Variants in TIMM44 observed in about 807,000 individuals in gnomAD.
TIMM44 encodes translocase of inner mitochondrial membrane 44, also known as mitochondrial import inner membrane translocase subunit TIM44.
In TIMM44, 37 loss-of-function variants were observed where a neutral mutation model predicts 63.8. The ratio of observed to expected loss-of-function variants is 0.58; its 90% CI spans 0.45 to 0.76. The LOEUF is 0.76. Among genes scored for constraint, TIMM44 ranks in the 30% least tolerant of loss-of-function variants. TIMM44 has a pLI of 0.00. For missense variants in TIMM44, 573 were observed against 603.8 expected (o/e 0.95, Z 0.54); for synonymous variants, 239 against 245.1 (o/e 0.98, Z 0.23).
chr19:7,943,571 C>T lies in TIMM44; in HGVS notation c.45+36G>A, dbSNP rs1299490382. 1 of 1,562,690 alleles carries T rather than the reference C, an allele frequency of 6.4e-7. No individual in the cohort carries two copies. Among genetic ancestry groups the T allele is most frequent in the Non-Finnish European group, 8.6e-7 (1 of 1,160,262 alleles). On this transcript the variant is annotated intron_variant, in intron 1 of 12. Coordinates refer to ENST00000270538, the MANE Select transcript of TIMM44 (RefSeq NM_006351.4). This position sits in a 1 kb window ranked among gnomAD's most constrained non-coding sequence, Gnocchi z 4.3. ...TGGTGGCCGAAGGCCCAGAAGACCC[C>T]TAAGCTCGCCCTGCCAGCGCCGCAC...
chr19:7,937,473 G>A (rs560896193), intron 3 of TIMM44, among the ~76,000 whole-genome samples: 1 of 152,310 alleles, frequency 6.6e-6, no homozygotes, highest in Admixed American at 6.5e-5. Context: ...TCCACTCCCA[G>A]GAGGAGCCAC....
chr19:7,927,114 T>C lies in TIMM44; in HGVS notation c.*73A>G. The C allele has an allele frequency of 1.3e-6, 2 of 1,540,802 alleles. No homozygotes were observed. The highest frequency in any genetic ancestry group is 2.4e-5 in the South Asian group (2 of 84,898). ...CAGTCTTGTTCCCAGAGGTCTGGAG[T>C]TGCCGCAGGTGGTGTTGCGGTGCCT... is the stretch of plus-strand genomic sequence containing the variant. On this transcript the variant is annotated 3_prime_UTR_variant, in exon 13 of 13. Coordinates refer to ENST00000270538, the MANE Select transcript of TIMM44 (RefSeq NM_006351.4).
At chr19:7,936,009 C>T (rs1023916140) in intron 3 of TIMM44, among the ~76,000 whole-genome samples, 3 of 152,156 alleles carry the variant, frequency 2.0e-5, no homozygotes, top group African/African-American at 7.2e-5. Flanking sequence ...AAAAAATTAG[C>T]CAGGCGTGGT....
intron 10 of TIMM44, among the ~76,000 whole-genome samples, chr19:7,930,190 G>C (rs1983939409): frequency 6.6e-6 from 1 of 151,778 alleles, no homozygotes; most frequent in African/African-American, 2.4e-5. Flanking sequence ...ACCCAGGCTG[G>C]AGTGCTGTGC....
At chr19:7,935,007 C>T in intron 4 of TIMM44, 58 bp downstream of exon 4, 1 of 1,519,528 alleles carries the variant, frequency 6.6e-7, no homozygotes, top group Non-Finnish European at 9.0e-7. Context: ...CCTCCAGCCT[C>T]CAGCGGCCAG....
At position 7,943,630 on chromosome 19, in the gene TIMM44, T is replaced by A. The variant is rs764520473; in HGVS notation, c.22A>T (p.Ser8Cys). 1.9e-6 allele frequency: 3 copies of A among 1,570,718 alleles called. No individual in the cohort carries two copies. Among genetic ancestry groups the A allele is most frequent in the East Asian group, 4.7e-5 (2 of 42,712 alleles). Residue 8 changes from serine to cysteine, a missense_variant, in exon 1 of 13, where the codon AGT becomes TGT. Physicochemically the swap from Ser to Cys is moderately radical, Grantham distance 112. Transcript: ENST00000270538. The surrounding 1 kb of genome is among the most constrained non-coding windows in gnomAD (Gnocchi z 4.3). Reference sequence around the variant, plus strand: ...ACCCGTGGACAGCGGCACCAGCCACTCCGCAGGGCCGCCGCCGCCATGTTG... The same window carrying A: ...ACCCGTGGACAGCGGCACCAGCCACACCGCAGGGCCGCCGCCGCCATGTTG... MAAAALR[S>C]GWCRCPRRCL...
chr19:7,937,673 T>C (rs1984194091), intron 3 of TIMM44: 1 of 329,304 alleles, frequency 3.0e-6, no homozygotes, highest in Non-Finnish European at 5.8e-6. Flanking sequence ...TGGCTGTCCC[T>C]GGCCTGGAGA....
rs960247842 is a variant in TIMM44 at position 7,932,786 on chromosome 19, G to A, written c.863-35C>T. On this transcript the variant is annotated intron_variant, in intron 8 of 12. Coordinates refer to ENST00000270538, the MANE Select transcript of TIMM44 (RefSeq NM_006351.4). The stretch of plus-strand genomic sequence containing the variant: ...GCAGAGCCGGGAGTTCGGGGGGAAG[G>A]CCGGGGACCCCGCCCCACCACCAGC... 2.5e-6 allele frequency: 4 copies of A among 1,613,946 alleles called. No individual in the cohort carries two copies. The African/African-American group carries it at 5.3e-5, about 22-fold the overall frequency.
At chr19:7,937,948 G>A in intron 3 of TIMM44, 79 bp downstream of exon 3, 1 of 1,547,942 alleles carries the variant, frequency 6.5e-7, no homozygotes, top group South Asian at 1.1e-5. Context: ...AACCTGGGAG[G>A]TGGAGGTTGC....
chr19:7,932,417 A>C (rs1984011799), intron 9 of TIMM44: 7 of 625,790 alleles, frequency 1.1e-5, no homozygotes, highest in Non-Finnish European at 1.9e-5. Flanking sequence ...ACCTGGAGGT[A>C]CCGGAGGTGC....
rs566890278 is a variant in TIMM44 at position 7,927,017 on chromosome 19, G to C, written c.*170C>G. On this transcript the variant is annotated 3_prime_UTR_variant, in exon 13 of 13. Coordinates refer to ENST00000270538, the MANE Select transcript of TIMM44 (RefSeq NM_006351.4). ...GAGTGTCTCCAGCTGCCGCGCACCC[G>C]CAACAGCCCGTTGTCCCCTCCCGGG... The C allele has an allele frequency of 3.1e-6, 3 of 957,318 alleles. No homozygotes were observed. Among genetic ancestry groups the C allele is most frequent in the Admixed American group, 2.1e-5 (1 of 46,660 alleles). The allele number at this position is 957,318 out of a possible 1,614,324, so 59.3% of individuals were successfully genotyped here.
rs1276680725 is a variant in TIMM44 at position 7,934,304 on chromosome 19, G to A, written c.394-66C>T. On this transcript the variant is annotated intron_variant, in intron 4 of 12. Transcript: ENST00000270538. This position sits in a 1 kb window ranked among gnomAD's most constrained non-coding sequence, Gnocchi z 5.3. ...CTGGCGGCCGGGGGGCGGGGCAGGA[G>A]GAATGAATTCCTGCCGGAGAGAAGG... 3.3e-5 allele frequency: 52 copies of A among 1,584,226 alleles called. No individual in the cohort carries two copies. The highest frequency in any genetic ancestry group is 4.4e-5 in the Non-Finnish European group (51 of 1,164,332).
rs1038380476 is a variant in TIMM44, at chr19:7,927,945, C to G, written c.1128+132G>C. ...GACCAGGCCTCCCTCGAGACCCTCC[C>G]CTTGGACAAGCCCAAGACCTCTTGG... On this transcript the variant is annotated intron_variant, in intron 11 of 12. Coordinates refer to ENST00000270538, the MANE Select transcript of TIMM44 (RefSeq NM_006351.4). 12 of 1,128,804 alleles carry G rather than the reference C, an allele frequency of 1.1e-5. No homozygotes were observed. The African/African-American group carries it at 1.9e-4, about 17-fold the overall frequency. The allele number at this position is 1,128,804 out of a possible 1,614,324, so 69.9% of individuals were successfully genotyped here. A position where few individuals can be genotyped will look rare whatever the true frequency, so the allele number is the denominator to read the frequency against.
chr19:7,927,959 A>G (rs1983862384), intron 11 of TIMM44, 118 bp downstream of exon 11: 5 of 1,191,710 alleles, frequency 4.2e-6, no homozygotes, highest in Non-Finnish European at 6.1e-6. Flanking sequence ...GGACAAGCCC[A>G]AGACCTCTTG....
At chr19:7,930,441 T>A (rs1242900225) in intron 10 of TIMM44, among the ~76,000 whole-genome samples, 1 of 151,628 alleles carries the variant, frequency 6.6e-6, no homozygotes, top group African/African-American at 2.4e-5. Context: ...CCCCAGTAGC[T>A]GGGATTACAG....
At position 7,941,257 on chromosome 19, in the gene TIMM44, C is replaced by G. The variant is rs1035723393; in HGVS notation, c.46-60G>C. 9.1e-6 allele frequency: 12 copies of G among 1,323,432 alleles called. No homozygotes were observed. The African/African-American group carries it at 1.6e-4, about 18-fold the overall frequency. 82.0% of individuals were successfully genotyped at this position (1,323,432 alleles called of 1,614,324 possible). Reference sequence around the variant, plus strand: ...AACAAGAGGTTGACTGAGAAGTAAGCAGACCACACACAAAACAGCAGGGTC... The same window carrying G: ...AACAAGAGGTTGACTGAGAAGTAAGGAGACCACACACAAAACAGCAGGGTC... On this transcript the variant is annotated intron_variant, in intron 1 of 12. Coordinates refer to ENST00000270538, the MANE Select transcript of TIMM44 (RefSeq NM_006351.4).
In TIMM44 at chr19:7,943,460, G is replaced by T; in HGVS notation, c.45+147C>A. 1.0e-6 allele frequency: 1 copy of T among 980,410 alleles called. No homozygotes were observed. Among genetic ancestry groups the T allele is most frequent in the Admixed American group, 2.2e-5 (1 of 46,204 alleles). 60.7% of individuals were successfully genotyped at this position (980,410 alleles called of 1,614,324 possible). A position where few individuals can be genotyped will look rare whatever the true frequency, so the allele number is the denominator to read the frequency against. On this transcript the variant is annotated intron_variant, in intron 1 of 12. Transcript: ENST00000270538. This position sits in a 1 kb window ranked among gnomAD's most constrained non-coding sequence, Gnocchi z 4.3. ...GCCACGCTCTGTGCCCCCTGTCCTG[G>T]CCTCTGCTACCCAAAGATCTAACCC...
Position 7,933,728 on chromosome 19 carries a change from G to A in TIMM44, c.683+136C>T, listed in dbSNP as rs545799369. On this transcript the variant is annotated intron_variant, in intron 6 of 12. Transcript: ENST00000270538. The surrounding 1 kb of genome is among the most constrained non-coding windows in gnomAD (Gnocchi z 4.3). ...GCCCTCACCTCTCACCCTCAAATTCGAGGGAGCCGGGAACCTTGGGCAGAA... is the reference window on the plus strand; with the variant it reads ...GCCCTCACCTCTCACCCTCAAATTCAAGGGAGCCGGGAACCTTGGGCAGAA... 12 of 1,440,742 alleles carry A rather than the reference G, an allele frequency of 8.3e-6. No individual in the cohort carries two copies. The highest frequency in any genetic ancestry group is 1.2e-5 in the Non-Finnish European group (12 of 1,032,360). The allele number at this position is 1,440,742 out of a possible 1,614,324, so 89.2% of individuals were successfully genotyped here.
In TIMM44 at chr19:7,934,091, G is replaced by A. The variant is rs759115487; in HGVS notation, c.541C>T (p.Gln181Ter). The stretch of plus-strand genomic sequence containing the variant: ...CCCTAGCCCAGGACTGGGCTCACCT[G>A]GGAGAGGGCTCTGAAGGCCGCTGTC... Reference protein sequence around the residue: ...GRTAAFRALSQGVESVKKEID... With the variant: ...GRTAAFRALS The change falls in exon 5 of 13, where the codon CAG (glutamine) becomes TAG (stop). Residue 181 changes from glutamine (Q) to a stop codon, truncating the protein, a stop_gained and splice_region_variant. Transcript: ENST00000270538. LOFTEE classifies it high-confidence loss of function. This position sits in a 1 kb window ranked among gnomAD's most constrained non-coding sequence, Gnocchi z 5.3. The A allele has an allele frequency of 6.2e-7, 1 of 1,613,292 alleles. No individual in the cohort carries two copies. The highest frequency in any genetic ancestry group is 1.1e-5 in the South Asian group (1 of 91,090).
Sources: gnomAD v4.1 joint callset for allele counts (sites outside exome capture counted in the v4.1 genomes callset) on GRCh38, gnomAD v4.1.1 for gene constraint, Gnocchi (gnomAD v3.1) non-coding constraint, MANE v1.5 for transcripts, NCBI Gene and HGNC (gene_info 2026-07-23, HGNC 2026-07-21) for gene names.